Variants in BTAF1 observed in about 807,000 individuals in gnomAD.
The protein encoded by BTAF1 is B-TFIID TATA-box binding protein associated factor 1, also known as TATA-binding protein-associated factor 172.
A neutral mutation model predicts 227.1 loss-of-function variants in BTAF1; 38 were observed. That is an observed-to-expected ratio of 0.17 (90% CI 0.13 to 0.22). The LOEUF (loss-of-function observed/expected upper bound fraction) is 0.22, where lower values mean the gene tolerates loss of function less well. Among genes scored for constraint, BTAF1 ranks in the 10% least tolerant of loss-of-function variants. The pLI, the probability that BTAF1 is intolerant of heterozygous loss-of-function variation, is 1.00. For missense variants in BTAF1, 1,598 were observed against 2,204.0 expected (o/e 0.73, Z 5.51); for synonymous variants, 742 against 751.9 (o/e 0.99, Z 0.21).
At chr10:91,959,736 GTGTGTATA>G (rs777236536) in intron 9 of BTAF1, 41 bp from the exon 10 acceptor site, 140 of 426,604 alleles carry the variant, frequency 3.3e-4, no homozygotes, top group Admixed American at 1.2e-3. Context: ...GTGTGTGTGT[GTGTGTATA>G]TATATATATA....
intron 4 of BTAF1, 59 bp downstream of exon 4, chr10:91,942,627 T>C (rs1447918694): frequency 4.5e-6 from 7 of 1,545,648 alleles, no homozygotes; most frequent in Non-Finnish European, 1.8e-6. Flanking sequence ...AATTTGTCAC[T>C]GTGGTATGCT....
chr10:91,996,642 G>A, intron 24 of BTAF1, 72 bp downstream of exon 24: 1 of 1,468,458 alleles, frequency 6.8e-7, no homozygotes, highest in Non-Finnish European at 9.4e-7. Context: ...AAATGAAATT[G>A]ATGTGTTCTA....
intron 14 of BTAF1, among the ~76,000 whole-genome samples, chr10:91,968,473 G>A (rs1055527483): frequency 6.6e-6 from 1 of 152,058 alleles, no homozygotes; most frequent in Non-Finnish European, 1.5e-5. Context: ...TCCAGTTTTT[G>A]GCAATTATGA....
chr10:92,000,438 A>G (rs925748877), intron 25 of BTAF1, among the ~76,000 whole-genome samples: 21 of 152,230 alleles, frequency 1.4e-4, no homozygotes, highest in South Asian at 2.1e-4. Flanking sequence ...TTTAATAGCC[A>G]TTTGAATATG....
At chr10:92,009,335 G>C in intron 28 of BTAF1, 127 bp downstream of exon 28, 2 of 984,092 alleles carry the variant, frequency 2.0e-6, no homozygotes, top group Non-Finnish European at 2.9e-6. Flanking sequence ...CTTCACTTAT[G>C]AAAAGTGAAT....
In BTAF1 at chr10:92,017,504, T is replaced by TTTTTG. The variant is rs755372053; in HGVS notation, c.4710+1059_4710+1063dup. Among the ~76,000 whole-genome samples, 8 of 151,758 alleles carry TTTTTG rather than the reference T, an allele frequency of 5.3e-5. 1 individual carries two copies. The highest frequency in any genetic ancestry group is 4.2e-4 in the South Asian group (2 of 4,802). The stretch of plus-strand genomic sequence containing the variant: ...GGAAAAGATAGTTGTGAAGATCTAG[T>TTTTTG]TTTTGTTTTGTTTTGTTTTGTTTTT... On this transcript the variant is annotated intron_variant, in intron 33 of 37. Transcript: ENST00000265990.
Position 91,992,290 on chromosome 10 carries a change from T to C in BTAF1, c.3026T>C (p.Ile1009Thr), listed in dbSNP as rs1480428558. 1.1e-5 allele frequency: 18 copies of C among 1,609,330 alleles called. No homozygotes were observed. The African/African-American group carries it at 1.6e-4, about 14-fold the overall frequency. The change falls in exon 21 of 38, where the codon ATT becomes ACT. Residue 1009 changes from isoleucine to threonine, a missense_variant. Ile to Thr is a moderately conservative substitution (Grantham distance 89). Around this residue, in one of 10 missense-constraint regions of BTAF1, gnomAD observed 425 missense variants for 491.2 expected, o/e 0.87. Transcript: ENST00000265990. The stretch of plus-strand genomic sequence containing the variant: ...CTTCCTGCAGGAAGTAGTGGAAATA[T>C]TCTTGTTGAACTTGATGAGGTAAGT... The part of the protein sequence containing the change: ...ADLPAGSSGN[I>T]LVELDEAQKP...
chr10:91,950,244 AAG>A (rs1353199554), intron 4 of BTAF1, among the ~76,000 whole-genome samples: 5 of 152,018 alleles, frequency 3.3e-5, no homozygotes, highest in African/African-American at 4.8e-5. Flanking sequence ...AAGCTACAAA[AAG>A]GGGAAACTTT....
intron 25 of BTAF1, among the ~76,000 whole-genome samples, chr10:92,005,390 A>G (rs1849808647): frequency 6.6e-6 from 1 of 152,182 alleles, no homozygotes; most frequent in African/African-American, 2.4e-5. Context: ...CATCACATCT[A>G]TAGATAGTTT....
At chr10:91,957,165 T>C in intron 7 of BTAF1, 60 bp from the exon 8 acceptor site, 1 of 1,376,082 alleles carries the variant, frequency 7.3e-7, no homozygotes, top group Non-Finnish European at 1.0e-6. Flanking sequence ...TTAAGTTACT[T>C]AAATTGTTAG....
At chr10:92,021,119 A>G (rs940834179) in intron 34 of BTAF1, among the ~76,000 whole-genome samples, 2 of 152,200 alleles carry the variant, frequency 1.3e-5, no homozygotes, top group Non-Finnish European at 2.9e-5. Flanking sequence ...CTAAATATGT[A>G]TATGCTGTGA....
Position 92,016,411 on chromosome 10 carries a change from A to G in BTAF1, c.4656A>G (p.Thr1552=), listed in dbSNP as rs1376950421. The part of the protein sequence containing the change: ...CDVDETVSSA[T]LSEETEKPKL... Reference sequence around the variant, plus strand: ...TTGATGAAACAGTTTCTTCAGCTACACTTTCTGAAGAAACTGAAAAACCAA... The same window carrying G: ...TTGATGAAACAGTTTCTTCAGCTACGCTTTCTGAAGAAACTGAAAAACCAA... Residue 1552 remains threonine, a synonymous_variant, in exon 33 of 38, where the codon ACA becomes ACG. Transcript: ENST00000265990. 2 of 1,598,696 alleles carry G rather than the reference A, an allele frequency of 1.3e-6. No homozygotes were observed. Among genetic ancestry groups the G allele is most frequent in the East Asian group, 2.3e-5 (1 of 44,258 alleles).
intron 12 of BTAF1, 24 bp downstream of exon 12, chr10:91,962,702 T>C (rs1486903572): frequency 6.4e-7 from 1 of 1,566,176 alleles, no homozygotes; most frequent in African/African-American, 1.4e-5. Context: ...TTTTACAGTT[T>C]CTTACTATAG....
At chr10:92,016,266 C>G (rs1486798535) in intron 32 of BTAF1, 74 bp from the exon 33 acceptor site, 10 of 1,531,802 alleles carry the variant, frequency 6.5e-6, no homozygotes, top group Admixed American at 4.8e-5. Context: ...TGTTATTGGC[C>G]TTTGCTGGTT....
intron 25 of BTAF1, among the ~76,000 whole-genome samples, chr10:92,007,708 T>C (rs1850023444): frequency 6.6e-6 from 1 of 152,238 alleles, no homozygotes; most frequent in African/African-American, 2.4e-5. Flanking sequence ...AAGCAAATAA[T>C]GTTTTTCTTT....
At chr10:92,023,962 A>G (rs1851314945) in intron 34 of BTAF1, among the ~76,000 whole-genome samples, 3 of 152,218 alleles carry the variant, frequency 2.0e-5, no homozygotes, top group Admixed American at 6.5e-5. Context: ...AACAGAGTTC[A>G]GTAATAGCTC....
chr10:92,022,066 A>G (rs1195794689), intron 34 of BTAF1, among the ~76,000 whole-genome samples: 2 of 152,176 alleles, frequency 1.3e-5, no homozygotes, highest in Admixed American at 1.3e-4. Context: ...CTAGTAATCA[A>G]CTTTTCAAGG....
chr10:91,966,543 T>G, intron 13 of BTAF1, 94 bp from the exon 14 acceptor site: 1 of 1,325,748 alleles, frequency 7.5e-7, no homozygotes, highest in Non-Finnish European at 1.0e-6. Flanking sequence ...TCACATGGTG[T>G]CAGCATCACT....
intron 14 of BTAF1, among the ~76,000 whole-genome samples, chr10:91,968,152 A>T (rs1420336610): frequency 1.3e-5 from 2 of 152,208 alleles, no homozygotes; most frequent in Non-Finnish European, 2.9e-5. Context: ...TTACAGTATC[A>T]TACAGAGTAG....
Sources: allele counts gnomAD v4.1 joint callset (sites outside exome capture counted in the v4.1 genomes callset), GRCh38; gene constraint gnomAD v4.1.1; regional missense constraint gnomAD v4.1.1; transcripts MANE v1.5; gene names NCBI Gene and HGNC (gene_info 2026-07-23, HGNC 2026-07-21).